The following NEGR1 variants were observed in gnomAD, a reference collection of about 807,000 sequenced individuals.
NEGR1 encodes IgLON family member 4.
NEGR1 carries 10 observed loss-of-function variants against 40.9 expected under a neutral mutation model. That is an observed-to-expected ratio of 0.24 (90% CI 0.15 to 0.42). The LOEUF is 0.42. Ranked by LOEUF, NEGR1 falls within the 10% of genes least tolerant of loss-of-function variation. The pLI is 1.00. For synonymous variants in NEGR1, 185 were observed against 166.8 expected (o/e 1.11, Z -0.84); for missense variants, 352 against 438.9 (o/e 0.80, Z 1.77).
At chr1:71,464,582 A>G (rs997505577) in intron 6 of NEGR1, among the ~76,000 whole-genome samples, 11 of 152,158 alleles carry the variant, frequency 7.2e-5, no homozygotes, top group African/African-American at 1.9e-4. Context: ...AGTTTTTATT[A>G]CAGATTATCC....
At chr1:72,127,465 A>AAT (rs1650071775) in intron 1 of NEGR1, among the ~76,000 whole-genome samples, 1 of 140,770 alleles carries the variant, frequency 7.1e-6, no homozygotes, top group Non-Finnish European at 1.5e-5. Context: ...CTCTGTCTCA[A>AAT]AAAAAAAAAA....
chr1:71,734,651 T>G (rs1402115185), intron 3 of NEGR1, among the ~76,000 whole-genome samples: 2 of 152,118 alleles, frequency 1.3e-5, no homozygotes, highest in Non-Finnish European at 2.9e-5. Flanking sequence ...TTTCTCCTTA[T>G]TGCCACACTT....
chr1:72,039,129 G>C (rs761046091), intron 1 of NEGR1, among the ~76,000 whole-genome samples: 9 of 151,906 alleles, frequency 5.9e-5, no homozygotes, highest in Non-Finnish European at 1.0e-4. Context: ...AGAAGAGATT[G>C]TGAAAAGTTC....
intron 6 of NEGR1, among the ~76,000 whole-genome samples, chr1:71,460,935 CA>C (rs201201507): frequency 4.5e-4 from 66 of 147,538 alleles, no homozygotes; most frequent in African/African-American, 1.4e-3. Context: ...TTATATACTT[CA>C]AAAAAAAAAC....
intron 1 of NEGR1, among the ~76,000 whole-genome samples, chr1:72,008,611 A>T (rs1057063787): frequency 6.6e-6 from 1 of 152,128 alleles, no homozygotes; most frequent in Non-Finnish European, 1.5e-5. Context: ...TTTAAATATT[A>T]TAATTCTGAA....
chr1:71,445,309 T>A (rs1983122), intron 6 of NEGR1, among the ~76,000 whole-genome samples: 103,158 of 150,148 alleles, frequency 0.69, 35,679 homozygotes, highest in Middle Eastern at 0.74. Context: ...CTTTTTTTTT[T>A]AAAAAAAAAA....
chr1:71,737,217 C>T (rs1249700209), intron 3 of NEGR1, among the ~76,000 whole-genome samples: 1 of 152,118 alleles, frequency 6.6e-6, no homozygotes, highest in East Asian at 1.9e-4. Flanking sequence ...TATCATATCC[C>T]AAAATGTCTG....
intron 6 of NEGR1, among the ~76,000 whole-genome samples, chr1:71,420,115 A>G (rs1029439638): frequency 6.6e-6 from 1 of 152,076 alleles, no homozygotes; most frequent in Non-Finnish European, 1.5e-5. Context: ...TAAAAATAGC[A>G]TTCCCTGCAT....
intron 6 of NEGR1, among the ~76,000 whole-genome samples, chr1:71,552,188 G>A (rs997947683): frequency 5.9e-5 from 9 of 151,442 alleles, no homozygotes; most frequent in Admixed American, 1.3e-4. Flanking sequence ...CAGGTGATAT[G>A]TAATCACTTG....
chr1:72,259,339 G>A (rs1332668293), intron 1 of NEGR1, among the ~76,000 whole-genome samples: 2 of 152,064 alleles, frequency 1.3e-5, no homozygotes, highest in African/African-American at 2.4e-5. Flanking sequence ...AATCGAGTAT[G>A]AGTCTAGGTG....
intron 1 of NEGR1, among the ~76,000 whole-genome samples, chr1:72,109,453 T>A (rs1649267239): frequency 6.6e-6 from 1 of 151,662 alleles, no homozygotes; most frequent in Admixed American, 6.6e-5. Context: ...ATGAGTATTG[T>A]TAAAAATTTT....
chr1:72,062,444 A>C (rs1277630131), intron 1 of NEGR1, among the ~76,000 whole-genome samples: 2 of 151,924 alleles, frequency 1.3e-5, no homozygotes, highest in Non-Finnish European at 2.9e-5. Context: ...ATTTATATCT[A>C]TCTCTCTTTG....
intron 1 of NEGR1, among the ~76,000 whole-genome samples, chr1:72,014,439 A>G (rs1646690347): frequency 6.6e-6 from 1 of 151,998 alleles, no homozygotes; most frequent in South Asian, 2.1e-4. Context: ...ACTCACTTGA[A>G]AAATGCTTTC....
chr1:72,205,305 C>A lies in NEGR1; in HGVS notation c.176+77014G>T, dbSNP rs113586939. ...TTAACTCTATGGCCACTACTTGAAG[C>A]TTAAAGTATGGAAAAACCAAATTGG... On this transcript the variant is annotated intron_variant, in intron 1 of 6. Transcript: ENST00000357731. Among the ~76,000 whole-genome samples the A allele has an allele frequency of 6.6e-3, 998 of 151,820 alleles. 16 individuals carry two copies. The highest frequency in any genetic ancestry group is 0.023 in the African/African-American group (950 of 41,412).
intron 3 of NEGR1, among the ~76,000 whole-genome samples, chr1:71,739,461 A>C (rs1467306339): frequency 1.3e-5 from 2 of 151,870 alleles, no homozygotes; most frequent in East Asian, 3.9e-4. Context: ...CTGTCCTTCT[A>C]GAGAACCCTG....
chr1:71,434,990 C>T (rs1646498115), intron 6 of NEGR1, among the ~76,000 whole-genome samples: 1 of 151,954 alleles, frequency 6.6e-6, no homozygotes, highest in Admixed American at 6.6e-5. Flanking sequence ...ACTCGGGAGG[C>T]TGAGGCAGGA....
At chr1:71,836,056 G>T (rs2101796770) in intron 2 of NEGR1, among the ~76,000 whole-genome samples, 1 of 152,146 alleles carries the variant, frequency 6.6e-6, no homozygotes, top group South Asian at 2.1e-4. Flanking sequence ...TGGCTGATCA[G>T]GCTCCCTCAT....
At chr1:71,548,769 G>A (rs954744273) in intron 6 of NEGR1, among the ~76,000 whole-genome samples, 1 of 151,642 alleles carries the variant, frequency 6.6e-6, no homozygotes, top group Non-Finnish European at 1.5e-5. Flanking sequence ...AAGAGCCCTG[G>A]GGTAGAGCTA....
intron 1 of NEGR1, among the ~76,000 whole-genome samples, chr1:72,104,175 A>G (rs1379190223): frequency 1.3e-5 from 2 of 152,090 alleles, no homozygotes; most frequent in African/African-American, 4.8e-5. Flanking sequence ...CCCCTCCCAA[A>G]GATGTCTATG....
Sources: allele counts gnomAD v4.1 joint callset (sites outside exome capture counted in the v4.1 genomes callset), GRCh38; gene constraint gnomAD v4.1.1; transcripts MANE v1.5; gene names NCBI Gene and HGNC (gene_info 2026-07-23, HGNC 2026-07-21).